The following SHISA9 variants were observed in gnomAD, a reference collection of about 807,000 sequenced individuals.
SHISA9 encodes shisa family member 9, also known as protein shisa-9.
SHISA9 carries 13 observed loss-of-function variants against 38.0 expected under a neutral mutation model. The ratio of observed to expected loss-of-function variants is 0.34; its 90% CI spans 0.22 to 0.54. The LOEUF (loss-of-function observed/expected upper bound fraction) is 0.54, where lower values mean the gene tolerates loss of function less well. SHISA9 is among the 20% of genes least tolerant of loss of function. The pLI is 0.91. For missense variants in SHISA9, 538 were observed against 575.8 expected (o/e 0.93, Z 0.67); for synonymous variants, 275 against 242.0 (o/e 1.14, Z -1.27).
At chr16:13,180,383 C>A (rs1197346191) in intron 2 of SHISA9, among the ~76,000 whole-genome samples, 1 of 152,124 alleles carries the variant, frequency 6.6e-6, no homozygotes, top group Admixed American at 6.6e-5. Flanking sequence ...CCATGGCTGA[C>A]CTTGGTGCTT....
chr16:13,466,243 T>A, the SHISA9 span, among the ~76,000 whole-genome samples: 2 of 152,208 alleles, frequency 1.3e-5, no homozygotes, highest in African/African-American at 2.4e-5. Flanking sequence ...GCTTCTATGC[T>A]TCTGAGTCAA....
the SHISA9 span, among the ~76,000 whole-genome samples, chr16:13,544,641 C>A: frequency 6.6e-6 from 1 of 151,954 alleles, no homozygotes; most frequent in African/African-American, 2.4e-5. Context: ...GAGTTTGGAG[C>A]CTTGTAGAAT....
At chr16:13,503,610 C>T in the SHISA9 span, among the ~76,000 whole-genome samples, 1 of 152,098 alleles carries the variant, frequency 6.6e-6, no homozygotes, top group South Asian at 2.1e-4. Flanking sequence ...TTTAGATGGG[C>T]CCCTACCACT....
chr16:13,126,428 G>A (rs1340471222), intron 2 of SHISA9, among the ~76,000 whole-genome samples: 1 of 151,988 alleles, frequency 6.6e-6, no homozygotes, highest in Non-Finnish European at 1.5e-5. Context: ...AAGAGGAAGA[G>A]GGAGAGAGAG....
chr16:13,359,724 T>G, the SHISA9 span, among the ~76,000 whole-genome samples: 2 of 152,194 alleles, frequency 1.3e-5, no homozygotes, highest in African/African-American at 2.4e-5. Context: ...GGGTCACTTC[T>G]TTTTTCTAGC....
At chr16:12,915,835 T>G (rs1242202443) in intron 1 of SHISA9, among the ~76,000 whole-genome samples, 7 of 152,134 alleles carry the variant, frequency 4.6e-5, no homozygotes, top group Admixed American at 4.6e-4. Flanking sequence ...TATACAACAA[T>G]ACCTACAAAA....
intron 2 of SHISA9, among the ~76,000 whole-genome samples, chr16:13,041,263 C>G (rs1380269837): frequency 6.6e-6 from 1 of 152,208 alleles, no homozygotes; most frequent in Non-Finnish European, 1.5e-5. Context: ...AAAATGGAGA[C>G]TGCTTACTTG....
chr16:13,220,350 G>C (rs574126277), intron 4 of SHISA9, among the ~76,000 whole-genome samples: 1 of 152,312 alleles, frequency 6.6e-6, no homozygotes, highest in East Asian at 1.9e-4. Context: ...AGAGGTGCAA[G>C]AGAGAAATTC....
chr16:13,499,252 A>C, the SHISA9 span, among the ~76,000 whole-genome samples: 1 of 152,336 alleles, frequency 6.6e-6, no homozygotes, highest in African/African-American at 2.4e-5. Context: ...GAACAAGAAA[A>C]GTGTTATTTT....
intron 2 of SHISA9, among the ~76,000 whole-genome samples, chr16:13,012,929 C>T (rs954232559): frequency 6.6e-6 from 1 of 152,090 alleles, no homozygotes; most frequent in African/African-American, 2.4e-5. Context: ...CTCCATGGTA[C>T]CCAGGCAGGG....
chr16:13,326,365 C>T, the SHISA9 span, among the ~76,000 whole-genome samples: 29 of 152,200 alleles, frequency 1.9e-4, no homozygotes, highest in Non-Finnish European at 3.8e-4. Flanking sequence ...CTTACTTGGG[C>T]ACCAACACTG....
chr16:13,176,335 G>A (rs576743096), intron 2 of SHISA9, among the ~76,000 whole-genome samples: 2 of 152,186 alleles, frequency 1.3e-5, no homozygotes, highest in East Asian at 3.9e-4. Flanking sequence ...ATCTGTCCTG[G>A]ACACCTGCAG....
intron 2 of SHISA9, among the ~76,000 whole-genome samples, chr16:12,980,775 A>T (rs951549050): frequency 6.6e-6 from 1 of 151,532 alleles, no homozygotes; most frequent in African/African-American, 2.4e-5. Context: ...CCTCTGGAAG[A>T]CTTCCTGAAT....
chr16:13,341,314 C>A, the SHISA9 span, among the ~76,000 whole-genome samples: 1 of 152,180 alleles, frequency 6.6e-6, no homozygotes, highest in Admixed American at 6.5e-5. Flanking sequence ...TTCACATTTT[C>A]TGCAGATTCA....
intron 2 of SHISA9, among the ~76,000 whole-genome samples, chr16:12,973,759 A>G (rs1263687412): frequency 6.6e-6 from 1 of 152,190 alleles, no homozygotes; most frequent in Non-Finnish European, 1.5e-5. Flanking sequence ...TGGGGATAGT[A>G]GCACTGATTT....
intron 2 of SHISA9, among the ~76,000 whole-genome samples, chr16:13,148,498 G>A (rs771161884): frequency 2.0e-5 from 3 of 151,842 alleles, no homozygotes; most frequent in African/African-American, 4.8e-5. Context: ...ACCCACCCAC[G>A]TCACATTGAC....
chr16:13,064,240 T>G (rs906188005), intron 2 of SHISA9, among the ~76,000 whole-genome samples: 2 of 152,168 alleles, frequency 1.3e-5, no homozygotes, highest in Non-Finnish European at 2.9e-5. Context: ...AGTCATTCAT[T>G]TATTCAGTCA....
At chr16:13,469,401 GAAAGAAAGAAAGAAAGAAAGAA>G in the SHISA9 span, among the ~76,000 whole-genome samples, 1 of 124,714 alleles carries the variant, frequency 8.0e-6, no homozygotes, top group African/African-American at 3.4e-5. Context: ...AAGAAAGAAA[GAAAGAAAGAAAGAAAGAAAGAA>G]AAAGAAAGAA....
In SHISA9 at chr16:13,239,648, G is replaced by C. The variant is rs2142094955; in HGVS notation, c.*4239G>C. Reference sequence around the variant, plus strand: ...CATAAATGTCTTTTGAGAAGTGTCTGTTCATATCCTTCGCCCACTTTTTGA... The same window carrying C: ...CATAAATGTCTTTTGAGAAGTGTCTCTTCATATCCTTCGCCCACTTTTTGA... On this transcript the variant is annotated 3_prime_UTR_variant, in exon 5 of 5. Coordinates refer to ENST00000558583, the MANE Select transcript of SHISA9 (RefSeq NM_001145204.3). 6.6e-6 allele frequency: 1 copy of C among 152,276 alleles called. No individual in the cohort carries two copies. Among genetic ancestry groups the C allele is most frequent in the South Asian group, 2.1e-4 (1 of 4,826 alleles). The allele number at this position is 152,276 out of a possible 1,614,324, so 9.4% of individuals were successfully genotyped here.
Sources: gnomAD v4.1 joint callset for allele counts (sites outside exome capture counted in the v4.1 genomes callset) on GRCh38, gnomAD v4.1.1 for gene constraint, MANE v1.5 for transcripts, NCBI Gene and HGNC (gene_info 2026-07-23, HGNC 2026-07-21) for gene names.